The following AP2A2 variants were observed in gnomAD, a reference collection of about 807,000 sequenced individuals.
AP2A2 encodes AP-2 complex subunit alpha-2.
AP2A2 carries 32 observed loss-of-function variants against 104.2 expected under a neutral mutation model. The observed-to-expected ratio is 0.31, with a 90% confidence interval of 0.23 to 0.41. AP2A2 has a LOEUF of 0.41. AP2A2 is among the 10% of genes least tolerant of loss of function. The pLI, the probability that AP2A2 is intolerant of heterozygous loss-of-function variation, is 1.00. For synonymous variants in AP2A2, 539 were observed against 533.3 expected (o/e 1.01, Z -0.15); for missense variants, 912 against 1,261.0 (o/e 0.72, Z 4.19).
chr11:970,114 CT>C, intron 2 of AP2A2, 54 bp from the exon 3 acceptor site: 2 of 1,595,636 alleles, frequency 1.3e-6, no homozygotes, highest in Non-Finnish European at 1.7e-6. Flanking sequence ...CTGCTCTCCC[CT>C]CTCCCCTGCC....
chr11:931,062 A>C (rs1589938691), intron 1 of AP2A2, among the ~76,000 whole-genome samples: 1 of 152,122 alleles, frequency 6.6e-6, no homozygotes, highest in Non-Finnish European at 1.5e-5. Flanking sequence ...CCTGAAACTA[A>C]TCTGTTCTCC....
chr11:1,008,684 A>C, intron 18 of AP2A2: 1 of 231,256 alleles, frequency 4.3e-6, no homozygotes, highest in Non-Finnish European at 8.4e-6. Context: ...GAATGTTGAG[A>C]AAAGCACACT....
chr11:1,011,128 G>C lies in AP2A2; in HGVS notation c.*503G>C. 1 of 570,370 alleles carries C rather than the reference G, an allele frequency of 1.8e-6. No homozygotes were observed. The highest frequency in any genetic ancestry group is 3.4e-6 in the Non-Finnish European group (1 of 293,982). 35.3% of individuals were successfully genotyped at this position (570,370 alleles called of 1,614,324 possible). Reference sequence around the variant, plus strand: ...TGACCCTGGTTTTGCTGCAGTCCCAGCTGGACTGTTTTCCCAGGCAGGATT... The same window carrying C: ...TGACCCTGGTTTTGCTGCAGTCCCACCTGGACTGTTTTCCCAGGCAGGATT... On this transcript the variant is annotated 3_prime_UTR_variant, in exon 22 of 22. Transcript: ENST00000448903.
Position 994,251 on chromosome 11 carries a change from T to C in AP2A2, c.1956+6T>C, listed in dbSNP as rs770165259. 8.1e-6 allele frequency: 13 copies of C among 1,612,350 alleles called. No individual in the cohort carries two copies. The highest frequency in any genetic ancestry group is 1.0e-5 in the Non-Finnish European group (12 of 1,179,618). On this transcript the variant is annotated splice_donor_region_variant and intron_variant, in intron 14 of 21. Transcript: ENST00000448903. ...CAGCCAGTACCAGCGCCGTGGTGGGTCCCTCACCTACTGTGCACCCAGACC... is the reference window on the plus strand; with the variant it reads ...CAGCCAGTACCAGCGCCGTGGTGGGCCCCTCACCTACTGTGCACCCAGACC...
rs1564809876 is a variant in AP2A2 at position 985,542 on chromosome 11, G to A, written c.922G>A (p.Val308Met). 8.1e-6 allele frequency: 13 copies of A among 1,613,830 alleles called. No individual in the cohort carries two copies. The highest frequency in any genetic ancestry group is 1.3e-5 in the African/African-American group (1 of 74,908). ...KVQHSNAKNA[V>M]LFEAISLIIH... is the part of the protein sequence containing the mutation. ...CCAGCACTCCAACGCGAAGAATGCC[G>A]TGCTCTTCGAGGCCATCAGCTTAAT... Residue 308 changes from valine to methionine, a missense_variant, in exon 8 of 22, where the codon GTG (valine) becomes ATG (methionine). Coordinates refer to ENST00000448903, the MANE Select transcript of AP2A2 (RefSeq NM_012305.4).
intron 3 of AP2A2, among the ~76,000 whole-genome samples, chr11:971,370 G>A (rs758754863): frequency 2.0e-5 from 3 of 152,206 alleles, no homozygotes; most frequent in Non-Finnish European, 2.9e-5. Context: ...GCGTGCGAGC[G>A]CAGGGCTGAA....
intron 1 of AP2A2, among the ~76,000 whole-genome samples, chr11:953,708 G>A (rs1290698155): frequency 1.3e-5 from 2 of 152,056 alleles, no homozygotes; most frequent in Admixed American, 6.6e-5. Flanking sequence ...CAGTAGGGGC[G>A]CTGGGCCAGG....
chr11:1,008,337 C>T (rs1856280948), intron 18 of AP2A2: 9 of 758,530 alleles, frequency 1.2e-5, no homozygotes, highest in South Asian at 1.2e-4. Context: ...CCCTGGGCTC[C>T]GGGACGGCAG....
intron 16 of AP2A2, among the ~76,000 whole-genome samples, chr11:1,005,330 C>T (rs898628753): frequency 6.6e-6 from 1 of 152,206 alleles, no homozygotes; most frequent in Non-Finnish European, 1.5e-5. Context: ...ATGCCAGGGC[C>T]TAGGCCAGGG....
In AP2A2 at chr11:926,021, G is replaced by A. The variant is rs575852861; in HGVS notation, c.-1G>A. ...CCGAGGCCGCTCCCGAGCGTCGGAA[G>A]ATGCCGGCCGTGTCCAAGGGGGACG... On this transcript the variant is annotated 5_prime_UTR_variant, in exon 1 of 22. Transcript: ENST00000448903. The A allele has an allele frequency of 2.1e-6, 3 of 1,409,092 alleles. No homozygotes were observed. The highest frequency in any genetic ancestry group is 1.5e-5 in the South Asian group (1 of 66,940). 87.3% of individuals were successfully genotyped at this position (1,409,092 alleles called of 1,614,324 possible).
intron 14 of AP2A2, among the ~76,000 whole-genome samples, chr11:999,685 G>T (rs1855964745): frequency 6.6e-6 from 1 of 151,966 alleles, no homozygotes; most frequent in Admixed American, 6.6e-5. Context: ...GATTAATAAT[G>T]ATTTAGTAAT....
chr11:978,210 A>G (rs1317257617), intron 5 of AP2A2, among the ~76,000 whole-genome samples: 10 of 152,112 alleles, frequency 6.6e-5, no homozygotes, highest in Admixed American at 2.0e-4. Flanking sequence ...CCTGCTGCAC[A>G]TGGCAGCCGG....
intron 3 of AP2A2, among the ~76,000 whole-genome samples, chr11:970,554 C>T (rs913708294): frequency 6.6e-6 from 1 of 152,286 alleles, no homozygotes; most frequent in African/African-American, 2.4e-5. Context: ...CAGGGTTCCT[C>T]CTCCTGCATG....
intron 4 of AP2A2, 149 bp from the exon 5 acceptor site, chr11:976,945 CT>C: frequency 1.0e-6 from 1 of 967,088 alleles, no homozygotes. Context: ...CTGCTGCCCC[CT>C]AGGCGGCCTC....
chr11:988,416 G>A (rs1855535273), intron 9 of AP2A2, 136 bp from the exon 10 acceptor site: 3 of 1,155,114 alleles, frequency 2.6e-6, no homozygotes, highest in Middle Eastern at 3.0e-4. Flanking sequence ...AGTGCAGGTC[G>A]GCTCCCTGGA....
Position 967,466 on chromosome 11 carries a change from A to G in AP2A2, c.137-2703A>G, listed in dbSNP as rs554672922. Among the ~76,000 whole-genome samples, 14 of 151,684 alleles carry G rather than the reference A, an allele frequency of 9.2e-5. No individual in the cohort carries two copies. In the South Asian group the frequency reaches 2.5e-3, roughly 27 times the overall value. ...AACCTCTGCCTCCCGGGTTCATGCC[A>G]TTCTCCTTCCTCAGCCTCCCGAGTA... On this transcript the variant is annotated intron_variant, in intron 2 of 21. Transcript: ENST00000448903.
Position 993,996 on chromosome 11 carries a change from C to T in AP2A2, c.1782+11C>T. On this transcript the variant is annotated intron_variant, in intron 13 of 21. Transcript: ENST00000448903. The surrounding 1 kb of genome is among the most constrained non-coding windows in gnomAD (Gnocchi z 8.2). ...AGCACCGACATTCTGGTAGGAGGCC[C>T]CCGCCCTTCGGGCTGGCTTGGCTGA... 6.2e-7 allele frequency: 1 copy of T among 1,609,584 alleles called. No individual in the cohort carries two copies. Among genetic ancestry groups the T allele is most frequent in the East Asian group, 2.2e-5 (1 of 44,810 alleles).
intron 4 of AP2A2, among the ~76,000 whole-genome samples, chr11:975,911 CTG>C (rs1412173816): frequency 6.6e-6 from 1 of 152,172 alleles, no homozygotes; most frequent in African/African-American, 2.4e-5. Context: ...ATGATTTAGA[CTG>C]TGTTCTTCTG....
rs537111397 is a variant in AP2A2 at position 992,852 on chromosome 11, G to A, written c.1452+167G>A. On this transcript the variant is annotated intron_variant, in intron 11 of 21. Coordinates refer to ENST00000448903, the MANE Select transcript of AP2A2 (RefSeq NM_012305.4). The surrounding 1 kb of genome is among the most constrained non-coding windows in gnomAD (Gnocchi z 6.4). The stretch of plus-strand genomic sequence containing the variant: ...AGCTCCTCCACTGTTGGTGCCCCTT[G>A]CTGAGTCCCAGTTTCTTCTCACCCT... Among the ~76,000 whole-genome samples the A allele has an allele frequency of 2.0e-5, 3 of 152,234 alleles. No individual in the cohort carries two copies. In the South Asian group the frequency reaches 6.2e-4, roughly 32 times the overall value.
Sources: gnomAD v4.1 joint callset for allele counts (sites outside exome capture counted in the v4.1 genomes callset) on GRCh38, gnomAD v4.1.1 for gene constraint, Gnocchi (gnomAD v3.1) non-coding constraint, MANE v1.5 for transcripts, NCBI Gene and HGNC (gene_info 2026-07-23, HGNC 2026-07-21) for gene names.